ALS2: variants seen among roughly 807,000 people sequenced by gnomAD.
ALS2 encodes alsin.
Under a neutral mutation model 203.4 loss-of-function variants are expected in ALS2, and 117 were observed. That is an observed-to-expected ratio of 0.58 (90% CI 0.50 to 0.67). The LOEUF (loss-of-function observed/expected upper bound fraction) is 0.67, where lower values mean the gene tolerates loss of function less well. Among genes scored for constraint, ALS2 ranks in the 30% least tolerant of loss-of-function variants. The pLI is 0.00. For synonymous variants in ALS2, 718 were observed against 725.9 expected, an observed-to-expected ratio of 0.99 and a Z score of 0.17; for missense variants, 1,715 against 1,989.4, an observed-to-expected ratio of 0.86 and a Z score of 2.62.
intron 25 of ALS2, among the ~76,000 whole-genome samples, chr2:201,714,398 G>T (rs1690237442): frequency 6.6e-6 from 1 of 152,192 alleles, no homozygotes; most frequent in East Asian, 1.9e-4. Flanking sequence ...TGAGACACGT[G>T]TCGCTGCATT....
chr2:201,761,645 C>G lies in ALS2; in HGVS notation c.349G>C (p.Glu117Gln), dbSNP rs142484527. Residue 117 changes from glutamate (E) to glutamine (Q), a missense_variant, in exon 4 of 34, where the codon GAG (glutamate) becomes CAG (glutamine). By Grantham distance (29) the Glu-to-Gln change is conservative. Transcript: ENST00000264276. ...ACTGCACACTGGCCAGCAGAATTCTCTCCCCACATGTACGCGACACCATTG... is the reference window on the plus strand; with the variant it reads ...ACTGCACACTGGCCAGCAGAATTCTGTCCCCACATGTACGCGACACCATTG... ...TDNGVAYMWG[E>Q]NSAGQCAVAN... is the part of the protein sequence containing the mutation. 6.2e-7 allele frequency: 1 copy of G among 1,614,174 alleles called. No individual in the cohort carries two copies. The highest frequency in any genetic ancestry group is 8.5e-7 in the Non-Finnish European group (1 of 1,180,032).
At chr2:201,726,904 C>T (rs1559050437) in intron 17 of ALS2, 38 bp from the exon 18 acceptor site, 1 of 1,550,172 alleles carries the variant, frequency 6.5e-7, no homozygotes, top group Admixed American at 1.7e-5. Context: ...TTTAAGGCAA[C>T]AATTCATCAA....
chr2:201,705,193 G>A lies in ALS2; in HGVS notation c.4634C>T (p.Pro1545Leu). 6 of 1,614,000 alleles carry A rather than the reference G, an allele frequency of 3.7e-6. No homozygotes were observed. Among genetic ancestry groups the A allele is most frequent in the Non-Finnish European group, 5.1e-6 (6 of 1,179,952 alleles). Residue 1545 changes from proline (P) to leucine (L), a missense_variant, in exon 31 of 34, where the codon CCA becomes CTA. Transcript: ENST00000264276. ...SILGESKKVL[P>L]TTKDACFASA... ...GGCAAAACAAGCATCTTTCGTGGTT[G>A]GCAAAACCTGCAAAAAAGAGAGTGA...
At chr2:201,728,483 A>G (rs563188061) in intron 15 of ALS2, 29 bp downstream of exon 15, 1 of 1,613,846 alleles carries the variant, frequency 6.2e-7, no homozygotes, top group South Asian at 1.1e-5. Context: ...CCTTTCAGGA[A>G]TTCTTTTAAG....
rs369653537 is a variant in ALS2 at position 201,726,444 on chromosome 2, G to A, written c.3248+40C>T. ...AAATAACATAATTTACGACCTTACCGAACTTGAATTTACTGTCATGTTTTA... is the reference window on the plus strand; with the variant it reads ...AAATAACATAATTTACGACCTTACCAAACTTGAATTTACTGTCATGTTTTA... On this transcript the variant is annotated intron_variant, in intron 19 of 33. Coordinates refer to ENST00000264276, the MANE Select transcript of ALS2 (RefSeq NM_020919.4). 2,334 of 1,541,534 alleles carry A rather than the reference G, an allele frequency of 1.5e-3. 5 individuals carry two copies. Among genetic ancestry groups the A allele is most frequent in the Non-Finnish European group, 1.8e-3 (1,970 of 1,114,378 alleles).
chr2:201,746,981 T>C (rs1225888446), intron 8 of ALS2, among the ~76,000 whole-genome samples: 2 of 152,098 alleles, frequency 1.3e-5, no homozygotes, highest in African/African-American at 2.4e-5. Context: ...ATCTGAAAAA[T>C]TGGAATTTAA....
chr2:201,732,616 T>G (rs1559056507), intron 13 of ALS2, among the ~76,000 whole-genome samples: 1 of 152,266 alleles, frequency 6.6e-6, no homozygotes, highest in East Asian at 1.9e-4. Flanking sequence ...TAAGGGACTT[T>G]GGAGTCATTA....
intron 29 of ALS2, among the ~76,000 whole-genome samples, chr2:201,706,072 C>T (rs912177266): frequency 6.6e-6 from 1 of 152,088 alleles, no homozygotes; most frequent in African/African-American, 2.4e-5. Context: ...CCCTGGATAG[C>T]AAGCAATAAT....
rs946995780 is a variant in ALS2, at chr2:201,741,690, A to G, written c.2335T>C (p.Leu779=). Residue 779 remains leucine (L), a synonymous_variant, in exon 11 of 34, where the codon TTG becomes CTG. Coordinates refer to ENST00000264276, the MANE Select transcript of ALS2 (RefSeq NM_020919.4). The part of the protein sequence containing the change: ...LVILKHSSLF[L]DSYTEYCTSI... ...GATACTTGCTCTGTATAACTATCCA[A>G]GAAGAGACTTGAATGCTTCAGGATG... The G allele has an allele frequency of 1.2e-6, 2 of 1,614,128 alleles. No individual in the cohort carries two copies. Among genetic ancestry groups the G allele is most frequent in the Middle Eastern group, 1.6e-4 (1 of 6,062 alleles).
chr2:201,766,476 T>G (rs1489753821), intron 3 of ALS2, among the ~76,000 whole-genome samples: 1 of 151,324 alleles, frequency 6.6e-6, no homozygotes, highest in African/African-American at 2.4e-5. Context: ...TGAAACCCCA[T>G]CTCTACTAAA....
chr2:201,705,119 T>C lies in ALS2; in HGVS notation c.4688+20A>G, dbSNP rs912461048. On this transcript the variant is annotated intron_variant, in intron 31 of 33. Coordinates refer to ENST00000264276, the MANE Select transcript of ALS2 (RefSeq NM_020919.4). Reference sequence around the variant, plus strand: ...AGCACTACTTTGATTTGTATGGCTTTTCAACAAATCAGAGATTACCTGATC... The same window carrying C: ...AGCACTACTTTGATTTGTATGGCTTCTCAACAAATCAGAGATTACCTGATC... 4 of 1,611,342 alleles carry C rather than the reference T, an allele frequency of 2.5e-6. No individual in the cohort carries two copies. The highest frequency in any genetic ancestry group is 2.2e-5 in the East Asian group (1 of 44,826).
chr2:201,757,670 A>G lies in ALS2; in HGVS notation c.1203T>C (p.Ser401=), dbSNP rs1389673153. Residue 401 remains serine, a synonymous_variant, in exon 5 of 34, where the codon TCT becomes TCC. Transcript: ENST00000264276. Reference sequence around the variant, plus strand: ...TAGCAGCCACTCTCACACCAACAGCAGATGCACAAGAGACCACCAGGCTGT... The same window carrying G: ...TAGCAGCCACTCTCACACCAACAGCGGATGCACAAGAGACCACCAGGCTGT... ...ALNSLVVSCA[S]AVGVRVAATY... is the part of the protein sequence containing the mutation. 4 of 1,614,108 alleles carry G rather than the reference A, an allele frequency of 2.5e-6. No homozygotes were observed. Among genetic ancestry groups the G allele is most frequent in the East Asian group, 2.2e-5 (1 of 44,884 alleles).
intron 31 of ALS2, 118 bp downstream of exon 31, chr2:201,705,021 A>G: frequency 1.0e-6 from 1 of 987,846 alleles, no homozygotes; most frequent in African/African-American, 1.6e-5. Flanking sequence ...GTTTGACACC[A>G]TCAGCATATA....
rs1693169789 is a variant in ALS2 at position 201,753,189 on chromosome 2, T to C, written c.1694A>G (p.Glu565Gly). 4 of 1,614,138 alleles carry C rather than the reference T, an allele frequency of 2.5e-6. No homozygotes were observed. Among genetic ancestry groups the C allele is most frequent in the Non-Finnish European group, 3.4e-6 (4 of 1,179,998 alleles). The change falls in exon 7 of 34, where the codon GAG (glutamate) becomes GGG (glycine). Residue 565 changes from glutamate (E) to glycine (G), a missense_variant. Physicochemically the swap from Glu to Gly is moderately conservative, Grantham distance 98. Around this residue, in one of 3 missense-constraint regions of ALS2, gnomAD observed 1,227 missense variants for 1,413.5 expected, o/e 0.87. Transcript: ENST00000264276. ...TGCAAGAGAATGGTAACCACCTGCC[T>C]CCAGATGGATTACTTCTTTGCCATC... is the stretch of plus-strand genomic sequence containing the variant. ...CLDGKEVIHLEAGGYHSLALT... is the reference protein window; with the variant it reads ...CLDGKEVIHLGAGGYHSLALT...
intron 7 of ALS2, among the ~76,000 whole-genome samples, chr2:201,752,040 A>C (rs868462356): frequency 1.3e-5 from 2 of 152,072 alleles, no homozygotes; most frequent in South Asian, 4.1e-4. Context: ...CTCTCTTTTT[A>C]CCTGGCTCAC....
At chr2:201,744,111 A>C in intron 10 of ALS2, 147 bp downstream of exon 10, 3 of 876,648 alleles carry the variant, frequency 3.4e-6, no homozygotes, top group Non-Finnish European at 3.5e-6. Context: ...CAGTTTGTAA[A>C]TTGTTGACTA....
intron 3 of ALS2, among the ~76,000 whole-genome samples, chr2:201,766,819 G>A (rs1416735549): frequency 7.5e-5 from 11 of 147,552 alleles, no homozygotes; most frequent in African/African-American, 2.7e-4. Flanking sequence ...GGAAACCATC[G>A]TTCTCAGCAA....
chr2:201,725,198 A>C (rs1691084307), intron 20 of ALS2, among the ~76,000 whole-genome samples, 158 bp downstream of exon 20: 1 of 152,216 alleles, frequency 6.6e-6, no homozygotes, highest in African/African-American at 2.4e-5. Flanking sequence ...TAACCTTTAA[A>C]AGATGATCAC....
At position 201,749,866 on chromosome 2, in the gene ALS2, T is replaced by G. The variant is rs1692923188; in HGVS notation, c.1738-77A>C. On this transcript the variant is annotated intron_variant, in intron 7 of 33. Coordinates refer to ENST00000264276, the MANE Select transcript of ALS2 (RefSeq NM_020919.4). ...CATCAACTCTGAACCTTTATAATAA[T>G]TAACATATATACACAAATACCAACA... 3 of 1,069,122 alleles carry G rather than the reference T, an allele frequency of 2.8e-6. No homozygotes were observed. In the East Asian group the frequency reaches 7.3e-5, roughly 26 times the overall value. 66.2% of individuals were successfully genotyped at this position (1,069,122 alleles called of 1,614,324 possible). A position where few individuals can be genotyped will look rare whatever the true frequency, so the allele number is the denominator to read the frequency against.
Sources: gnomAD v4.1 joint callset for allele counts (sites outside exome capture counted in the v4.1 genomes callset) on GRCh38, gnomAD v4.1.1 for gene constraint, gnomAD v4.1.1 regional missense constraint, MANE v1.5 for transcripts, NCBI Gene and HGNC (gene_info 2026-07-23, HGNC 2026-07-21) for gene names.